LRRC28: variants seen among roughly 807,000 people sequenced by gnomAD.
LRRC28 encodes the protein leucine rich repeat containing 28.
In LRRC28, 39 loss-of-function variants were observed where a neutral mutation model predicts 45.7. The ratio of observed to expected loss-of-function variants is 0.85; its 90% confidence interval spans 0.66 to 1.12. LRRC28 has a LOEUF of 1.12. Among genes scored for constraint, LRRC28 ranks in the 50% most tolerant of loss-of-function variants. The pLI is 0.00. For missense variants in LRRC28, 435 were observed against 438.5 expected (o/e 0.99, Z 0.07); for synonymous variants, 206 against 178.8 (o/e 1.15, Z -1.22).
intron 5 of LRRC28, among the ~76,000 whole-genome samples, chr15:99,300,674 A>G (rs1353310716): frequency 6.6e-6 from 1 of 152,068 alleles, no homozygotes; most frequent in Non-Finnish European, 1.5e-5. Flanking sequence ...AAAAATACAA[A>G]AATTAGCTGG....
At chr15:99,320,211 T>C (rs1280116735) in intron 5 of LRRC28, among the ~76,000 whole-genome samples, 1 of 152,206 alleles carries the variant, frequency 6.6e-6, no homozygotes, top group East Asian at 1.9e-4. Flanking sequence ...TTTTTTAAGT[T>C]CTTCTTGTAT....
intron 2 of LRRC28, chr15:99,258,522 G>T: frequency 1.3e-6 from 1 of 747,290 alleles, no homozygotes; most frequent in South Asian, 1.4e-5. Flanking sequence ...AGCAAAAGAA[G>T]AGAAAGAAGA....
intron 2 of LRRC28, among the ~76,000 whole-genome samples, chr15:99,276,266 G>A (rs979681331): frequency 3.3e-5 from 5 of 150,968 alleles, no homozygotes; most frequent in Non-Finnish European, 7.4e-5. Context: ...AATGTAATGC[G>A]CTTGAATCAT....
chr15:99,263,283 C>A (rs2081248828), intron 2 of LRRC28, among the ~76,000 whole-genome samples: 1 of 144,652 alleles, frequency 6.9e-6, no homozygotes, highest in Non-Finnish European at 1.5e-5. Context: ...CACGCCACTC[C>A]ACGCCAGCCT....
At position 99,259,836 on chromosome 15, in the gene LRRC28, A is replaced by G. The variant is rs1597153020; in HGVS notation, c.168+3711A>G. The stretch of plus-strand genomic sequence containing the variant: ...CAGACACTAAAGCATATGGAGATAG[A>G]ATAGAAAGAATGCCTTGCCTCAGTT... On this transcript the variant is annotated intron_variant, in intron 2 of 9. Transcript: ENST00000301981. 7.2e-6 allele frequency: 6 copies of G among 838,516 alleles called. No homozygotes were observed. The East Asian group carries it at 1.4e-4, about 20-fold the overall frequency. 51.9% of individuals were successfully genotyped at this position (838,516 alleles called of 1,614,324 possible). A position where few individuals can be genotyped will look rare whatever the true frequency, so the allele number is the denominator to read the frequency against.
At chr15:99,297,691 CAG>C (rs1344486884) in intron 5 of LRRC28, among the ~76,000 whole-genome samples, 1 of 150,926 alleles carries the variant, frequency 6.6e-6, no homozygotes, top group Non-Finnish European at 1.5e-5. Context: ...TTTATAATAA[CAG>C]ATTTTAAATT....
chr15:99,295,951 G>C (rs769095311), intron 5 of LRRC28, among the ~76,000 whole-genome samples: 12 of 152,124 alleles, frequency 7.9e-5, no homozygotes, highest in Non-Finnish European at 1.6e-4. Flanking sequence ...TCCTTTCTTA[G>C]GTCTGTCCCA....
chr15:99,327,300 C>A (rs1162962215), intron 5 of LRRC28, among the ~76,000 whole-genome samples: 2 of 152,190 alleles, frequency 1.3e-5, no homozygotes, highest in East Asian at 1.9e-4. Context: ...GTCTCAATCA[C>A]CTGACCTCAA....
intron 2 of LRRC28, among the ~76,000 whole-genome samples, chr15:99,270,019 T>C (rs1490471576): frequency 6.6e-6 from 1 of 152,200 alleles, no homozygotes; most frequent in Non-Finnish European, 1.5e-5. Flanking sequence ...TATTGCTCTA[T>C]GACATATATA....
At chr15:99,326,699 C>G (rs2152284597) in intron 5 of LRRC28, 1 of 152,238 alleles carries the variant, frequency 6.6e-6, no homozygotes, top group Middle Eastern at 3.4e-3. Flanking sequence ...TGTAGATTCT[C>G]TTTCCCACCT....
At position 99,299,657 on chromosome 15, in the gene LRRC28, A is replaced by G. The variant is rs28683588; in HGVS notation, c.385+11706A>G. ...GTTTTAATGAGTGAAAAGCTTTATG[A>G]TTTGCCAAGGGTCAATGTAATGAGA... On this transcript the variant is annotated intron_variant, in intron 5 of 9. Transcript: ENST00000301981. Among the ~76,000 whole-genome samples, 366 of 152,284 alleles carry G rather than the reference A, an allele frequency of 2.4e-3. 1 individual carries two copies. The highest frequency in any genetic ancestry group is 8.3e-3 in the African/African-American group (347 of 41,572).
intron 9 of LRRC28, among the ~76,000 whole-genome samples, chr15:99,378,660 G>C (rs1957719484): frequency 6.6e-6 from 1 of 152,288 alleles, no homozygotes. Context: ...CATTCAGTAT[G>C]ATATTGGCTG....
intron 5 of LRRC28, among the ~76,000 whole-genome samples, chr15:99,322,730 T>C (rs1288191124): frequency 2.6e-5 from 4 of 152,190 alleles, no homozygotes; most frequent in African/African-American, 9.7e-5. Context: ...AGTTTATTCT[T>C]TCAGCAAGGA....
intron 3 of LRRC28, among the ~76,000 whole-genome samples, chr15:99,278,649 A>G (rs930078887): frequency 3.4e-4 from 51 of 152,238 alleles, no homozygotes; most frequent in African/African-American, 1.2e-3. Context: ...GTGTTAAGCA[A>G]ATATTCACCT....
intron 5 of LRRC28, among the ~76,000 whole-genome samples, chr15:99,319,555 CA>C (rs1227947058): frequency 2.0e-5 from 3 of 151,876 alleles, no homozygotes; most frequent in Non-Finnish European, 4.4e-5. Context: ...GGTTAGATAC[CA>C]GCGAACACCT....
intron 5 of LRRC28, among the ~76,000 whole-genome samples, chr15:99,300,343 C>T (rs1407584775): frequency 1.3e-5 from 2 of 151,452 alleles, no homozygotes; most frequent in African/African-American, 4.8e-5. Flanking sequence ...TCTATTTTTA[C>T]CTAGTTTTAA....
chr15:99,326,219 A>T (rs1955970739), intron 5 of LRRC28, among the ~76,000 whole-genome samples: 3 of 152,194 alleles, frequency 2.0e-5, no homozygotes. Flanking sequence ...TTTGCTTTTT[A>T]AAAAATAAAA....
intron 5 of LRRC28, 114 bp from the exon 6 acceptor site, chr15:99,333,809 T>C (rs1310106296): frequency 9.3e-7 from 1 of 1,070,292 alleles, no homozygotes; most frequent in Non-Finnish European, 1.4e-6. Flanking sequence ...TTCATGTTTA[T>C]GGGAATAGTC....
intron 9 of LRRC28, among the ~76,000 whole-genome samples, chr15:99,377,251 G>A: frequency 6.6e-6 from 1 of 151,634 alleles, no homozygotes; most frequent in African/African-American, 2.4e-5. Context: ...ACTGGTGTGA[G>A]ATGGTATCTC....
Sources: allele counts gnomAD v4.1 joint callset (sites outside exome capture counted in the v4.1 genomes callset), GRCh38; gene constraint gnomAD v4.1.1; transcripts MANE v1.5; gene names NCBI Gene and HGNC (gene_info 2026-07-23, HGNC 2026-07-21).